The following ZMYND11 variants were observed in gnomAD, a reference collection of about 807,000 sequenced individuals.
ZMYND11 encodes the protein zinc finger MYND domain-containing protein 11.
Under a neutral mutation model 84.9 loss-of-function variants are expected in ZMYND11, and 9 were observed. That is an observed-to-expected ratio of 0.11 (90% confidence interval 0.06 to 0.18). ZMYND11 has a LOEUF of 0.18. ZMYND11 is among the 10% of genes least tolerant of loss of function. ZMYND11 has a pLI of 1.00. For synonymous variants in ZMYND11, 250 were observed against 244.1 expected (o/e 1.02, Z -0.23); for missense variants, 409 against 761.0 (o/e 0.54, Z 5.44).
chr10:234,833 A>C (rs1475324253), intron 4 of ZMYND11, among the ~76,000 whole-genome samples: 1 of 152,244 alleles, frequency 6.6e-6, no homozygotes, highest in Non-Finnish European at 1.5e-5. Flanking sequence ...GCACCGAAGC[A>C]TGTCCATACT....
chr10:224,085 A>G (rs1325687766), intron 4 of ZMYND11, among the ~76,000 whole-genome samples: 2 of 152,226 alleles, frequency 1.3e-5, no homozygotes, highest in South Asian at 2.1e-4. Flanking sequence ...AAAACTGACA[A>G]TGAAAAGAAG....
At position 135,750 on chromosome 10, in the gene ZMYND11, G is replaced by A. The variant is rs1835836154; in HGVS notation, c.-20+191G>A. Among the ~76,000 whole-genome samples, 1 of 147,724 alleles carries A rather than the reference G, an allele frequency of 6.8e-6. No individual in the cohort carries two copies. The highest frequency in any genetic ancestry group is 1.5e-5 in the Non-Finnish European group (1 of 66,264). ...AGCTTTGTGGATGGCGGGGCGGGCC[G>A]GGCCGGCGGGGCCTGCGAGGGCGGC... On this transcript the variant is annotated intron_variant, in intron 1 of 14. Transcript: ENST00000381604. The surrounding 1 kb of genome is among the most constrained non-coding windows in gnomAD (Gnocchi z 5.6).
At chr10:235,369 T>TCAAA (rs1453297910) in intron 4 of ZMYND11, among the ~76,000 whole-genome samples, 1 of 152,126 alleles carries the variant, frequency 6.6e-6, no homozygotes, top group African/African-American at 2.4e-5. Context: ...CTGTTAGTTT[T>TCAAA]CAAACAGAGA....
chr10:150,990 A>T, intron 1 of ZMYND11, among the ~76,000 whole-genome samples: 1 of 152,186 alleles, frequency 6.6e-6, no homozygotes, highest in Non-Finnish European at 1.5e-5. Flanking sequence ...ACTCCAACAG[A>T]CCTGCAGCTG....
intron 1 of ZMYND11, among the ~76,000 whole-genome samples, chr10:138,753 GAA>G (rs71505864): frequency 6.9e-6 from 1 of 144,784 alleles, no homozygotes; most frequent in Non-Finnish European, 1.5e-5. Flanking sequence ...ATGTATCTTG[GAA>G]AAAAAAAAAA....
At chr10:169,981 A>T (rs926024115) in intron 1 of ZMYND11, among the ~76,000 whole-genome samples, 2 of 152,148 alleles carry the variant, frequency 1.3e-5, no homozygotes, top group African/African-American at 4.8e-5. Flanking sequence ...AAAATATTAT[A>T]CCTAAGCATA....
intron 1 of ZMYND11, among the ~76,000 whole-genome samples, chr10:139,704 CTTTTTTTTTT>C (rs67915368): frequency 8.7e-5 from 7 of 80,266 alleles, no homozygotes; most frequent in African/African-American, 4.9e-5. Flanking sequence ...ACACATGGTC[CTTTTTTTTTT>C]TTTTTTTTTT....
At chr10:182,417 T>A (rs544116951) in intron 2 of ZMYND11, among the ~76,000 whole-genome samples, 1 of 152,246 alleles carries the variant, frequency 6.6e-6, no homozygotes. Context: ...TTTTTCTTCA[T>A]GTTGTAAGGT....
rs557048931 is a variant in ZMYND11, at chr10:138,073, T to C, written c.-20+2514T>C. On this transcript the variant is annotated intron_variant, in intron 1 of 14. Coordinates refer to ENST00000381604, the MANE Select transcript of ZMYND11 (RefSeq NM_001370100.5). ...AGAAATCAATTAAAATGTTAAAATT[T>C]AGTTCTTTCATTCATACTGAATACC... Among the ~76,000 whole-genome samples, 5 of 152,094 alleles carry C rather than the reference T, an allele frequency of 3.3e-5. No individual in the cohort carries two copies. In the East Asian group the frequency reaches 9.6e-4, roughly 29 times the overall value.
At chr10:235,144 T>C (rs865971671) in intron 4 of ZMYND11, among the ~76,000 whole-genome samples, 17 of 152,242 alleles carry the variant, frequency 1.1e-4, no homozygotes, top group Admixed American at 3.3e-4. Context: ...TATAATTTCA[T>C]TTTGTCAATT....
At chr10:237,272 T>C (rs574745015) in intron 5 of ZMYND11, among the ~76,000 whole-genome samples, 2 of 152,382 alleles carry the variant, frequency 1.3e-5, no homozygotes, top group South Asian at 4.1e-4. Context: ...AGGAATGTCA[T>C]ATTAAACTAT....
At chr10:208,783 G>C (rs1464094112) in intron 2 of ZMYND11, among the ~76,000 whole-genome samples, 1 of 152,004 alleles carries the variant, frequency 6.6e-6, no homozygotes, top group Non-Finnish European at 1.5e-5. Context: ...AGGTGGAGAA[G>C]GAAGAAGGTG....
chr10:174,254 A>C (rs1554766392), intron 1 of ZMYND11, among the ~76,000 whole-genome samples: 2 of 152,204 alleles, frequency 1.3e-5, no homozygotes, highest in African/African-American at 4.8e-5. Context: ...AAAGCTATGG[A>C]GGAAACTTAA....
chr10:138,441 A>G lies in ZMYND11; in HGVS notation c.-20+2882A>G, dbSNP rs564944611. Among the ~76,000 whole-genome samples the G allele has an allele frequency of 7.0e-4, 107 of 152,264 alleles. 3 individuals are homozygous for G. In the Middle Eastern group the frequency reaches 0.014, roughly 19 times the overall value. On this transcript the variant is annotated intron_variant, in intron 1 of 14. Coordinates refer to ENST00000381604, the MANE Select transcript of ZMYND11 (RefSeq NM_001370100.5). ...CCTGTTGGCGTTTTGAATGGATGTC[A>G]TGCATGTTTCAATGAATGACATATG...
chr10:207,740 C>G (rs890376093), intron 2 of ZMYND11, among the ~76,000 whole-genome samples: 1 of 152,162 alleles, frequency 6.6e-6, no homozygotes, highest in Non-Finnish European at 1.5e-5. Flanking sequence ...TTTATAGATT[C>G]AATGCCATCC....
At chr10:249,610 A>G in intron 14 of ZMYND11, 1 of 985,344 alleles carries the variant, frequency 1.0e-6, no homozygotes, top group Middle Eastern at 5.2e-4. Flanking sequence ...ATCATTTGTC[A>G]TCGTGTCCTG....
At chr10:221,068 A>T in intron 3 of ZMYND11, 127 bp from the exon 4 acceptor site, 1 of 832,076 alleles carries the variant, frequency 1.2e-6, no homozygotes, top group Non-Finnish European at 1.9e-6. Context: ...CTCTTGTTTT[A>T]ACACAGTAAA....
chr10:224,996 T>C (rs895908844), intron 4 of ZMYND11, among the ~76,000 whole-genome samples: 1 of 152,218 alleles, frequency 6.6e-6, no homozygotes, highest in Non-Finnish European at 1.5e-5. Flanking sequence ...AGCCATGAAT[T>C]TTCCAGGAAA....
chr10:184,290 GTTA>G (rs1210361539), intron 2 of ZMYND11, among the ~76,000 whole-genome samples: 2 of 151,994 alleles, frequency 1.3e-5, no homozygotes, highest in East Asian at 3.9e-4. Flanking sequence ...TTATGATTAT[GTTA>G]TTATTTTCTT....
Sources: gnomAD v4.1 joint callset for allele counts (sites outside exome capture counted in the v4.1 genomes callset) on GRCh38, gnomAD v4.1.1 for gene constraint, Gnocchi (gnomAD v3.1) non-coding constraint, MANE v1.5 for transcripts, NCBI Gene and HGNC (gene_info 2026-07-23, HGNC 2026-07-21) for gene names.